Variants in CPNE4 observed in about 807,000 individuals in gnomAD.
CPNE4 encodes copine 4.
In CPNE4, 25 loss-of-function variants were observed where a neutral mutation model predicts 67.9. That is an observed-to-expected ratio of 0.37 (90% CI 0.27 to 0.51). The LOEUF (loss-of-function observed/expected upper bound fraction) is 0.51, where lower values mean the gene tolerates loss of function less well. CPNE4 is among the 20% of genes least tolerant of loss of function. CPNE4 has a pLI of 0.93. For synonymous variants in CPNE4, 242 were observed against 244.9 expected, an observed-to-expected ratio of 0.99 and a Z score of 0.11; for missense variants, 464 against 690.8, an observed-to-expected ratio of 0.67 and a Z score of 3.68.
intron 2 of CPNE4, among the ~76,000 whole-genome samples, chr3:131,777,144 G>C (rs1389524239): frequency 6.6e-6 from 1 of 152,100 alleles, no homozygotes; most frequent in Non-Finnish European, 1.5e-5. Context: ...CTTCCTGAAA[G>C]GGGCGTTATC....
intron 3 of CPNE4, among the ~76,000 whole-genome samples, chr3:131,720,489 T>A (rs1459646982): frequency 6.6e-6 from 1 of 152,146 alleles, no homozygotes; most frequent in Admixed American, 6.5e-5. Context: ...TTTCACCGTG[T>A]TAGCCAGGAT....
rs180757858 is a variant in CPNE4 at position 131,937,717 on chromosome 3, A to T, written c.-1-32273T>A. Among the ~76,000 whole-genome samples, 5 of 152,270 alleles carry T rather than the reference A, an allele frequency of 3.3e-5. No individual in the cohort carries two copies. In the East Asian group the frequency reaches 9.6e-4, roughly 29 times the overall value. Reference sequence around the variant, plus strand: ...AGAAATTAGATGGGGAAAGGGGGAAAGGAGTTTAAAGATGGAGTAAGATTG... The same window carrying T: ...AGAAATTAGATGGGGAAAGGGGGAATGGAGTTTAAAGATGGAGTAAGATTG... On this transcript the variant is annotated intron_variant, in intron 1 of 15. Coordinates refer to ENST00000429747, the MANE Select transcript of CPNE4 (RefSeq NM_130808.3).
At chr3:131,801,450 G>GTATATATA (rs1233533120) in intron 2 of CPNE4, among the ~76,000 whole-genome samples, 27 of 39,568 alleles carry the variant, frequency 6.8e-4, no homozygotes, top group South Asian at 1.9e-3. Flanking sequence ...GTGTGTGTGT[G>GTATATATA]TGTATATATA....
At chr3:131,657,189 T>A (rs778504220) in intron 7 of CPNE4, among the ~76,000 whole-genome samples, 1 of 152,200 alleles carries the variant, frequency 6.6e-6, no homozygotes, top group Admixed American at 6.5e-5. Flanking sequence ...TATGATGCAA[T>A]GATTTCCTTC....
At chr3:131,913,578 T>G (rs1251945693) in intron 1 of CPNE4, among the ~76,000 whole-genome samples, 1 of 152,218 alleles carries the variant, frequency 6.6e-6, no homozygotes, top group Non-Finnish European at 1.5e-5. Context: ...ACTGTGCACT[T>G]GTCTATCAAG....
chr3:131,591,888 C>T (rs1390505257), intron 7 of CPNE4, among the ~76,000 whole-genome samples: 1 of 152,150 alleles, frequency 6.6e-6, no homozygotes. Flanking sequence ...GAGGCAGAGT[C>T]CTTGGTGTGA....
chr3:131,645,804 G>A (rs1319792716), intron 7 of CPNE4, among the ~76,000 whole-genome samples: 1 of 152,124 alleles, frequency 6.6e-6, no homozygotes, highest in African/African-American at 2.4e-5. Flanking sequence ...AGGTAACTGA[G>A]AAGTGGCTAG....
chr3:131,645,182 C>T (rs1684453261), intron 7 of CPNE4, among the ~76,000 whole-genome samples: 1 of 152,208 alleles, frequency 6.6e-6, no homozygotes, highest in South Asian at 2.1e-4. Context: ...TCGTACCTAC[C>T]TTGAAATGGG....
chr3:131,832,026 C>T (rs1352342969), intron 2 of CPNE4, among the ~76,000 whole-genome samples: 6 of 152,112 alleles, frequency 3.9e-5, no homozygotes, highest in African/African-American at 1.4e-4. Context: ...TTTTAATGAC[C>T]AAAATACTCT....
At chr3:131,994,035 A>G (rs1438434435) in intron 1 of CPNE4, among the ~76,000 whole-genome samples, 2 of 136,556 alleles carry the variant, frequency 1.5e-5, no homozygotes, top group African/African-American at 2.5e-5. Flanking sequence ...TATGGAATGG[A>G]AAATTTGCAT....
chr3:131,818,797 G>A (rs1353722325), intron 2 of CPNE4, among the ~76,000 whole-genome samples: 1 of 152,178 alleles, frequency 6.6e-6, no homozygotes, highest in Non-Finnish European at 1.5e-5. Flanking sequence ...CATAAATTAA[G>A]TAAGTGGTAA....
intron 2 of CPNE4, among the ~76,000 whole-genome samples, chr3:131,902,813 G>C (rs2088603310): frequency 6.6e-6 from 1 of 151,934 alleles, no homozygotes; most frequent in Non-Finnish European, 1.5e-5. Context: ...ATTCCATTTA[G>C]TTTTGTTAAA....
At chr3:131,725,745 T>C (rs1476985321) in intron 2 of CPNE4, among the ~76,000 whole-genome samples, 1 of 152,210 alleles carries the variant, frequency 6.6e-6, no homozygotes, top group Admixed American at 6.5e-5. Flanking sequence ...TTTCCCTTCA[T>C]TTTCCCACTT....
At chr3:131,925,573 T>G (rs1264235721) in intron 1 of CPNE4, 4 of 152,094 alleles carry the variant, frequency 2.6e-5, no homozygotes, top group Non-Finnish European at 4.4e-5. Context: ...AAAAGATTTG[T>G]ACCCTTCTGC....
Position 131,617,241 on chromosome 3 carries a change from C to T in CPNE4, c.682-29659G>A, listed in dbSNP as rs555141330. ...GTTGTGGAAGGGGAGATTACTTAACCAACACCACACAATTTATTCATGGTA... is the reference window on the plus strand; with the variant it reads ...GTTGTGGAAGGGGAGATTACTTAACTAACACCACACAATTTATTCATGGTA... On this transcript the variant is annotated intron_variant, in intron 7 of 15. Coordinates refer to ENST00000429747, the MANE Select transcript of CPNE4 (RefSeq NM_130808.3). Among the ~76,000 whole-genome samples the T allele has an allele frequency of 5.3e-5, 8 of 152,222 alleles. No individual in the cohort carries two copies. In the South Asian group the frequency reaches 1.7e-3, roughly 32 times the overall value.
At chr3:131,675,818 T>C (rs2080546382) in intron 6 of CPNE4, among the ~76,000 whole-genome samples, 1 of 151,830 alleles carries the variant, frequency 6.6e-6, no homozygotes, top group African/African-American at 2.4e-5. Context: ...TATCGATAGG[T>C]AAGGGGTTAC....
At chr3:131,651,138 C>A (rs1451400663) in intron 7 of CPNE4, among the ~76,000 whole-genome samples, 1 of 152,136 alleles carries the variant, frequency 6.6e-6, no homozygotes, top group Non-Finnish European at 1.5e-5. Context: ...GTTTTTATTA[C>A]TTCTGACTTC....
At chr3:131,740,121 A>C (rs1450095034) in intron 2 of CPNE4, among the ~76,000 whole-genome samples, 2 of 152,220 alleles carry the variant, frequency 1.3e-5, no homozygotes, top group East Asian at 3.8e-4. Flanking sequence ...GATATGGGAT[A>C]TAAGGCACTA....
intron 14 of CPNE4, among the ~76,000 whole-genome samples, chr3:131,544,903 T>C (rs1935739984): frequency 6.6e-6 from 1 of 152,184 alleles, no homozygotes; most frequent in Non-Finnish European, 1.5e-5. Context: ...GATCTTAGAG[T>C]TCAGTGGATG....
Sources: gnomAD v4.1 joint callset for allele counts (sites outside exome capture counted in the v4.1 genomes callset) on GRCh38, gnomAD v4.1.1 for gene constraint, MANE v1.5 for transcripts, NCBI Gene and HGNC (gene_info 2026-07-23, HGNC 2026-07-21) for gene names.